The following ITGB6 variants were observed in gnomAD, a reference collection of about 807,000 sequenced individuals.
ITGB6 encodes the protein integrin beta-6.
Under a neutral mutation model 84.5 loss-of-function variants are expected in ITGB6, and 80 were observed. The observed-to-expected ratio is 0.95, with a 90% CI of 0.79 to 1.14. ITGB6 has a LOEUF of 1.14. Ranked by LOEUF, ITGB6 falls within the 50% of genes most tolerant of loss-of-function variation. The pLI is 0.00. For synonymous variants in ITGB6, 383 were observed against 354.9 expected, an observed-to-expected ratio of 1.08 and a Z score of -0.89; for missense variants, 1,006 against 968.0, an observed-to-expected ratio of 1.04 and a Z score of -0.52.
chr2:160,152,231 T>A (rs578255922), intron 7 of ITGB6, among the ~76,000 whole-genome samples: 1 of 152,168 alleles, frequency 6.6e-6, no homozygotes, highest in South Asian at 2.1e-4. Context: ...CAGCAGCACA[T>A]CAAAAAAGCT....
intron 7 of ITGB6, among the ~76,000 whole-genome samples, chr2:160,151,974 A>T (rs906224998): frequency 6.6e-6 from 1 of 152,156 alleles, no homozygotes; most frequent in Non-Finnish European, 1.5e-5. Flanking sequence ...CAACCAAAAA[A>T]AGTCCAGGAT....
chr2:160,112,316 G>A (rs1682570142), intron 12 of ITGB6, 117 bp from the exon 13 acceptor site: 4 of 968,182 alleles, frequency 4.1e-6, no homozygotes, highest in Middle Eastern at 3.3e-4. Flanking sequence ...TGCAGAATGA[G>A]AATAGGAGAG....
intron 12 of ITGB6, among the ~76,000 whole-genome samples, chr2:160,121,754 T>C (rs1288076396): frequency 1.3e-4 from 18 of 133,998 alleles, no homozygotes; most frequent in Non-Finnish European, 7.8e-5. Context: ...GGAGACAGGG[T>C]AAGGCCTTGT....
chr2:160,177,016 A>G (rs888045818), intron 4 of ITGB6, among the ~76,000 whole-genome samples: 1 of 151,940 alleles, frequency 6.6e-6, no homozygotes, highest in Non-Finnish European at 1.5e-5. Context: ...TTATCTTTTG[A>G]CTCATATTAC....
Position 160,115,610 on chromosome 2 carries a change from C to T in ITGB6, c.1982-3411G>A, listed in dbSNP as rs943746831. 2.0e-5 allele frequency among the ~76,000 whole-genome samples: 3 copies of T among 152,324 alleles called. No individual in the cohort carries two copies. The South Asian group carries it at 6.2e-4, about 32-fold the overall frequency. On this transcript the variant is annotated intron_variant, in intron 12 of 14. Coordinates refer to ENST00000283249, the MANE Select transcript of ITGB6 (RefSeq NM_000888.5). Reference sequence around the variant, plus strand: ...AACTCTAAAAAGCAGAGTGCCTCTCCTCCTCCAAAGGAATGCAGCTCCTCA... The same window carrying T: ...AACTCTAAAAAGCAGAGTGCCTCTCTTCCTCCAAAGGAATGCAGCTCCTCA...
In ITGB6 at chr2:160,130,332, A is replaced by G. The variant is rs865777759; in HGVS notation, c.1661-3731T>C. Reference sequence around the variant, plus strand: ...ATACATATATATTCTCTCTCTATATATATTCTCTATATACTCTATATATAC... The same window carrying G: ...ATACATATATATTCTCTCTCTATATGTATTCTCTATATACTCTATATATAC... On this transcript the variant is annotated intron_variant, in intron 10 of 14. Coordinates refer to ENST00000283249, the MANE Select transcript of ITGB6 (RefSeq NM_000888.5). Among the ~76,000 whole-genome samples, 31 of 152,168 alleles carry G rather than the reference A, an allele frequency of 2.0e-4. 2 individuals are homozygous for G. In the Middle Eastern group the frequency reaches 0.024, roughly 117 times the overall value.
chr2:160,132,951 A>G (rs1278441015), intron 10 of ITGB6, among the ~76,000 whole-genome samples: 1 of 152,084 alleles, frequency 6.6e-6, no homozygotes, highest in Non-Finnish European at 1.5e-5. Context: ...CTAACCTAGT[A>G]TGTGTCATAT....
chr2:160,187,598 T>C (rs1249456968), intron 4 of ITGB6, among the ~76,000 whole-genome samples: 1 of 152,210 alleles, frequency 6.6e-6, no homozygotes, highest in East Asian at 1.9e-4. Context: ...CAGGAGCAGA[T>C]AGAGAATCCA....
intron 7 of ITGB6, among the ~76,000 whole-genome samples, chr2:160,164,714 A>G (rs1275841159): frequency 6.6e-6 from 1 of 151,994 alleles, no homozygotes; most frequent in East Asian, 1.9e-4. Flanking sequence ...AAAAAATCCC[A>G]TTTTATATTT....
chr2:160,188,179 T>A (rs1685977617), intron 4 of ITGB6, among the ~76,000 whole-genome samples: 2 of 152,188 alleles, frequency 1.3e-5, no homozygotes. Context: ...CTAATTGCCT[T>A]CCTACTAAGA....
chr2:160,192,105 T>G (rs1368394167), intron 4 of ITGB6, among the ~76,000 whole-genome samples: 1 of 152,164 alleles, frequency 6.6e-6, no homozygotes. Flanking sequence ...CTCAGCATAT[T>G]TTTTGAAGAA....
chr2:160,197,394 C>A (rs1404514717), intron 2 of ITGB6, among the ~76,000 whole-genome samples: 1 of 152,092 alleles, frequency 6.6e-6, no homozygotes, highest in African/African-American at 2.4e-5. Flanking sequence ...GAGATGTGGC[C>A]GTTCAAATTC....
chr2:160,173,052 T>A (rs1393023999), intron 5 of ITGB6, among the ~76,000 whole-genome samples: 1 of 152,124 alleles, frequency 6.6e-6, no homozygotes, highest in African/African-American at 2.4e-5. Context: ...CCAAAAAAAT[T>A]GAGCAGAGGA....
At chr2:160,135,159 C>T (rs56065714) in intron 10 of ITGB6, among the ~76,000 whole-genome samples, 80,251 of 132,368 alleles carry the variant, frequency 0.61, 22,822 homozygotes, top group Admixed American at 0.66. Context: ...GAAAACCCCA[C>T]TGTCTCAGCC....
At position 160,140,298 on chromosome 2, in the gene ITGB6, C is replaced by A. The variant is rs1245906751; in HGVS notation, c.1107+1684G>T. 2.0e-5 allele frequency among the ~76,000 whole-genome samples: 3 copies of A among 152,266 alleles called. No homozygotes were observed. In the East Asian group the frequency reaches 5.8e-4, roughly 29 times the overall value. On this transcript the variant is annotated intron_variant, in intron 8 of 14. Coordinates refer to ENST00000283249, the MANE Select transcript of ITGB6 (RefSeq NM_000888.5). ...TCTTAGTATTTCTGAGATAGTAAAA[C>A]AAGGACAGAAGATTTAATTCAAATG...
At chr2:160,159,912 C>A (rs1684757040) in intron 7 of ITGB6, among the ~76,000 whole-genome samples, 1 of 152,152 alleles carries the variant, frequency 6.6e-6, no homozygotes, top group African/African-American at 2.4e-5. Flanking sequence ...CTATTTCCCC[C>A]TACTAGATTA....
In ITGB6 at chr2:160,185,503, C is replaced by A. The variant is rs1685858533; in HGVS notation, c.593+9866G>T. Among the ~76,000 whole-genome samples, 2 of 152,184 alleles carry A rather than the reference C, an allele frequency of 1.3e-5. 1 individual carries two copies. The highest frequency in any genetic ancestry group is 1.3e-4 in the Admixed American group (2 of 15,274). On this transcript the variant is annotated intron_variant, in intron 4 of 14. Coordinates refer to ENST00000283249, the MANE Select transcript of ITGB6 (RefSeq NM_000888.5). ...AAAACAAATGGAAAAACATTCCATG[C>A]TCATGGATAGGAAGAATCAATATTG...
chr2:160,190,093 C>T (rs1220905356), intron 4 of ITGB6, among the ~76,000 whole-genome samples: 3 of 151,726 alleles, frequency 2.0e-5, no homozygotes, highest in African/African-American at 7.3e-5. Flanking sequence ...TCTCAGCAAA[C>T]TATCACAAGG....
chr2:160,118,151 C>T (rs1682868365), intron 12 of ITGB6, among the ~76,000 whole-genome samples: 1 of 152,194 alleles, frequency 6.6e-6, no homozygotes, highest in South Asian at 2.1e-4. Flanking sequence ...GGAATCCTCC[C>T]TAACTCATTT....
Sources: gnomAD v4.1 joint callset for allele counts (sites outside exome capture counted in the v4.1 genomes callset) on GRCh38, gnomAD v4.1.1 for gene constraint, MANE v1.5 for transcripts, NCBI Gene and HGNC (gene_info 2026-07-23, HGNC 2026-07-21) for gene names.